LUZP2: variants seen among roughly 807,000 people sequenced by gnomAD.
LUZP2 encodes the protein leucine zipper protein 2.
LUZP2 carries 52 observed loss-of-function variants against 51.6 expected under a neutral mutation model. The ratio of observed to expected loss-of-function variants is 1.01; its 90% CI spans 0.81 to 1.27. The LOEUF (loss-of-function observed/expected upper bound fraction) is 1.27. LUZP2 is among the 50% of genes most tolerant of loss of function. The probability of loss-of-function intolerance (pLI) is 0.00; values close to 1 mark genes in which losing one functional copy is unlikely to be tolerated. For synonymous variants in LUZP2, 154 were observed against 137.3 expected, an observed-to-expected ratio of 1.12 and a Z score of -0.85; for missense variants, 436 against 395.4, an observed-to-expected ratio of 1.10 and a Z score of -0.87.
intron 1 of LUZP2, among the ~76,000 whole-genome samples, chr11:24,594,271 C>T (rs1853355756): frequency 6.6e-6 from 1 of 152,108 alleles, no homozygotes; most frequent in African/African-American, 2.4e-5. Context: ...TCAATGACTT[C>T]AGATCTTGGG....
At chr11:24,850,203 C>G (rs373137609) in intron 5 of LUZP2, among the ~76,000 whole-genome samples, 1 of 152,132 alleles carries the variant, frequency 6.6e-6, no homozygotes, top group South Asian at 2.1e-4. Context: ...TTGCCCATGC[C>G]TATGTCCTGA....
At chr11:24,948,140 T>C (rs1466721324) in intron 7 of LUZP2, among the ~76,000 whole-genome samples, 1 of 151,794 alleles carries the variant, frequency 6.6e-6, no homozygotes, top group Non-Finnish European at 1.5e-5. Flanking sequence ...AATTGTATTA[T>C]CTCTATTCAT....
intron 5 of LUZP2, among the ~76,000 whole-genome samples, chr11:24,859,754 C>T (rs1446355459): frequency 6.6e-6 from 1 of 152,204 alleles, no homozygotes; most frequent in East Asian, 1.9e-4. Context: ...CGGGGGAACC[C>T]CTTTCCCCCA....
intron 1 of LUZP2, among the ~76,000 whole-genome samples, chr11:24,507,754 A>G (rs1427275131): frequency 6.6e-6 from 1 of 152,070 alleles, no homozygotes; most frequent in Non-Finnish European, 1.5e-5. Context: ...TGAACTTTCA[A>G]AATGAGGAGA....
At chr11:24,736,863 A>C (rs749685807) in intron 3 of LUZP2, among the ~76,000 whole-genome samples, 25 of 152,074 alleles carry the variant, frequency 1.6e-4, no homozygotes, top group Non-Finnish European at 2.8e-4. Context: ...TCACCCAAGA[A>C]GGCATAAATC....
chr11:25,037,901 T>C (rs372392964), intron 9 of LUZP2, among the ~76,000 whole-genome samples: 28 of 152,062 alleles, frequency 1.8e-4, no homozygotes, highest in African/African-American at 6.3e-4. Flanking sequence ...TTTTTTCTTT[T>C]GCCTCCATCT....
chr11:25,007,584 C>T (rs947709517), intron 9 of LUZP2, among the ~76,000 whole-genome samples: 1 of 151,260 alleles, frequency 6.6e-6, no homozygotes, highest in African/African-American at 2.4e-5. Flanking sequence ...GCCTGGGTAA[C>T]AAAGCAAGAC....
chr11:24,601,890 ATATATGTATATATGTATATATG>A lies in LUZP2; in HGVS notation c.62+104591_62+104612del, dbSNP rs1464716524. On this transcript the variant is annotated intron_variant, in intron 1 of 11. Transcript: ENST00000336930. ...TGTATATGTATACATGTATATATGT[ATATATGTATATATGTATATATG>A]TATATATGTATATATATGTATATAT... 1.6e-3 allele frequency among the ~76,000 whole-genome samples: 209 copies of A among 133,288 alleles called. 1 individual carries two copies. The highest frequency in any genetic ancestry group is 4.8e-3 in the East Asian group (23 of 4,814). The allele number at this position is 133,288 out of a possible 152,430, so 87.4% of individuals were successfully genotyped here.
rs540109473 is a variant in LUZP2 at position 24,766,609 on chromosome 11, A to G, written c.396+3301A>G. Among the ~76,000 whole-genome samples, 31 of 152,286 alleles carry G rather than the reference A, an allele frequency of 2.0e-4. 1 individual carries two copies. In the South Asian group the frequency reaches 6.2e-3, roughly 31 times the overall value. On this transcript the variant is annotated intron_variant, in intron 5 of 11. Coordinates refer to ENST00000336930, the MANE Select transcript of LUZP2 (RefSeq NM_001009909.4). ...GAGATTTAAGAAAAATCTGCATCAAATTTTAATTTTGATGATAGTGTGCTT... is the reference window on the plus strand; with the variant it reads ...GAGATTTAAGAAAAATCTGCATCAAGTTTTAATTTTGATGATAGTGTGCTT...
intron 1 of LUZP2, among the ~76,000 whole-genome samples, chr11:24,715,082 G>T (rs1243968546): frequency 6.6e-6 from 1 of 152,104 alleles, no homozygotes; most frequent in Non-Finnish European, 1.5e-5. Context: ...ACTTACCTCT[G>T]CTGACAATGC....
rs527886243 is a variant in LUZP2, at chr11:24,681,288, C to T, written c.63-47881C>T. ...GAGCCACCGCGCCCGGCCTAATTTC[C>T]TTATTTCTCTAAGACCATGTTTCTA... On this transcript the variant is annotated intron_variant, in intron 1 of 11. Coordinates refer to ENST00000336930, the MANE Select transcript of LUZP2 (RefSeq NM_001009909.4). 3.5e-4 allele frequency among the ~76,000 whole-genome samples: 54 copies of T among 152,254 alleles called. 2 individuals are homozygous for T. In the South Asian group the frequency reaches 0.011, roughly 30 times the overall value.
intron 4 of LUZP2, among the ~76,000 whole-genome samples, chr11:24,739,836 T>A (rs1349174474): frequency 6.6e-6 from 1 of 152,142 alleles, no homozygotes; most frequent in Non-Finnish European, 1.5e-5. Context: ...CTGTTATCTG[T>A]TCTGTTCACC....
At chr11:25,032,033 G>A (rs952224601) in intron 9 of LUZP2, among the ~76,000 whole-genome samples, 30 of 152,180 alleles carry the variant, frequency 2.0e-4, no homozygotes, top group Admixed American at 4.6e-4. Context: ...GGAGGGCATC[G>A]TGACTATGGA....
At chr11:24,867,042 A>C (rs1349636766) in intron 5 of LUZP2, among the ~76,000 whole-genome samples, 1 of 152,162 alleles carries the variant, frequency 6.6e-6, no homozygotes, top group Non-Finnish European at 1.5e-5. Flanking sequence ...ACTTGACTTC[A>C]AAAAGCCTTT....
At chr11:25,060,727 G>A (rs1382063836) in intron 10 of LUZP2, among the ~76,000 whole-genome samples, 1 of 152,086 alleles carries the variant, frequency 6.6e-6, no homozygotes, top group Non-Finnish European at 1.5e-5. Context: ...AAAGAAAAGT[G>A]ATATAGAATA....
chr11:25,060,887 A>G (rs921216881), intron 10 of LUZP2, among the ~76,000 whole-genome samples: 2 of 151,550 alleles, frequency 1.3e-5, no homozygotes, highest in African/African-American at 4.9e-5. Flanking sequence ...TTATGTTGTC[A>G]TTGAATCCTT....
chr11:24,989,507 C>T (rs1856275020), intron 9 of LUZP2, among the ~76,000 whole-genome samples: 1 of 152,052 alleles, frequency 6.6e-6, no homozygotes, highest in African/African-American at 2.4e-5. Flanking sequence ...TAGCAAAACT[C>T]TGACACTCAT....
intron 4 of LUZP2, among the ~76,000 whole-genome samples, chr11:24,746,255 G>A (rs192834398): frequency 5.2e-4 from 79 of 152,204 alleles, no homozygotes; most frequent in East Asian, 1.9e-3. Flanking sequence ...TGGTAGTGGC[G>A]AATTCACTCA....
intron 1 of LUZP2, among the ~76,000 whole-genome samples, chr11:24,583,663 TA>T (rs1360520211): frequency 1.3e-5 from 2 of 151,988 alleles, no homozygotes; most frequent in African/African-American, 4.8e-5. Flanking sequence ...AAGCAGATTG[TA>T]ATTTTAAGTG....
Sources: allele counts gnomAD v4.1 joint callset (sites outside exome capture counted in the v4.1 genomes callset), GRCh38; gene constraint gnomAD v4.1.1; transcripts MANE v1.5; gene names NCBI Gene and HGNC (gene_info 2026-07-23, HGNC 2026-07-21).